Variants in RB1 observed in about 807,000 individuals in gnomAD.
The protein encoded by RB1 is retinoblastoma-associated protein.
Under a neutral mutation model 135.4 loss-of-function variants are expected in RB1, and 18 were observed. The observed-to-expected ratio is 0.13, with a 90% CI of 0.09 to 0.20. RB1 has a LOEUF of 0.20. Among genes scored for constraint, RB1 ranks in the 10% least tolerant of loss-of-function variants. RB1 has a pLI of 1.00. For missense variants in RB1, 868 were observed against 1,110.0 expected, an observed-to-expected ratio of 0.78 and a Z score of 3.10; for synonymous variants, 365 against 373.2, an observed-to-expected ratio of 0.98 and a Z score of 0.25.
intron 18 of RB1, among the ~76,000 whole-genome samples, chr13:48,454,872 T>G (rs1949350592): frequency 6.6e-6 from 1 of 152,118 alleles, no homozygotes; most frequent in South Asian, 2.1e-4. Context: ...GAAATCCTAG[T>G]GTGGCTGGGG....
At chr13:48,339,257 C>T (rs1390131883) in intron 2 of RB1, among the ~76,000 whole-genome samples, 1 of 152,198 alleles carries the variant, frequency 6.6e-6, no homozygotes, top group African/African-American at 2.4e-5. Flanking sequence ...TTCGGCTATG[C>T]CCTGCCCCCA....
chr13:48,352,662 T>G (rs945229228), intron 6 of RB1, among the ~76,000 whole-genome samples: 1 of 152,178 alleles, frequency 6.6e-6, no homozygotes, highest in African/African-American at 2.4e-5. Flanking sequence ...TTGGCTCTTG[T>G]TGGTGTGTAG....
intron 23 of RB1, among the ~76,000 whole-genome samples, chr13:48,470,599 A>C (rs925748857): frequency 4.2e-5 from 1 of 23,640 alleles, no homozygotes; most frequent in East Asian, 2.3e-3. Context: ...TGCGCAGCAA[A>C]AGAAACTACC....
intron 5 of RB1, 125 bp from the exon 6 acceptor site, chr13:48,348,831 T>C: frequency 9.0e-7 from 1 of 1,106,344 alleles, no homozygotes; most frequent in Non-Finnish European, 1.3e-6. Context: ...CATTCTATTA[T>C]GCATTTAACT....
At chr13:48,412,430 G>A (rs765143549) in intron 17 of RB1, 10 of 1,609,300 alleles carry the variant, frequency 6.2e-6, no homozygotes, top group Non-Finnish European at 8.5e-6. Flanking sequence ...CCATCGTAAA[G>A]GCACGTCCAA....
rs540710886 is a variant in RB1 at position 48,367,984 on chromosome 13, T to C, written c.1049+381T>C. Among the ~76,000 whole-genome samples the C allele has an allele frequency of 1.1e-4, 17 of 152,236 alleles. 1 individual carries two copies. In the South Asian group the frequency reaches 3.5e-3, roughly 32 times the overall value. On this transcript the variant is annotated intron_variant, in intron 10 of 26. Transcript: ENST00000267163. ...AGTTTATACAAAAGTGTAGTCTCTGTTATTATCATGTAGAAACCTAAAATT... is the reference window on the plus strand; with the variant it reads ...AGTTTATACAAAAGTGTAGTCTCTGCTATTATCATGTAGAAACCTAAAATT...
At position 48,459,645 on chromosome 13, in the gene RB1, C is replaced by T. The variant is rs531504944; in HGVS notation, c.1961-43C>T. Reference sequence around the variant, plus strand: ...ATTTGAAAAAAATCTACTTGTAATTCAAAATGAACAGTAAAAATGACTAAT... The same window carrying T: ...ATTTGAAAAAAATCTACTTGTAATTTAAAATGAACAGTAAAAATGACTAAT... On this transcript the variant is annotated intron_variant, in intron 19 of 26. Transcript: ENST00000267163. The T allele has an allele frequency of 1.4e-5, 23 of 1,607,128 alleles. No individual in the cohort carries two copies. In the African/African-American group the frequency reaches 2.9e-4, roughly 21 times the overall value.
At chr13:48,354,328 G>A (rs198620) in intron 6 of RB1, among the ~76,000 whole-genome samples, 151,730 of 152,264 alleles carry the variant, frequency 1, 75,604 homozygotes, top group Middle Eastern at 1. Context: ...AAGTAGTCCT[G>A]TTTACAATAG....
chr13:48,386,044 A>AC (rs1460891819), intron 17 of RB1, among the ~76,000 whole-genome samples: 1 of 150,730 alleles, frequency 6.6e-6, no homozygotes, highest in African/African-American at 2.4e-5. Flanking sequence ...CATCTCTTAA[A>AC]AAAAAAAAAA....
At chr13:48,390,635 T>C (rs897066680) in intron 17 of RB1, among the ~76,000 whole-genome samples, 5 of 152,140 alleles carry the variant, frequency 3.3e-5, no homozygotes, top group South Asian at 2.1e-4. Flanking sequence ...GTCTAACATA[T>C]AGAATTTAGG....
chr13:48,432,267 A>T (rs568711749), intron 17 of RB1, among the ~76,000 whole-genome samples: 43 of 152,030 alleles, frequency 2.8e-4, no homozygotes, highest in Non-Finnish European at 4.9e-4. Context: ...TTTCCAGCTC[A>T]CCTCCCAGAA....
intron 2 of RB1, among the ~76,000 whole-genome samples, chr13:48,332,421 A>G (rs550514928): frequency 6.6e-6 from 1 of 152,084 alleles, no homozygotes; most frequent in Non-Finnish European, 1.5e-5. Context: ...ATTAAAAAAA[A>G]TTTTACAGGC....
rs1319312586 is a variant in RB1 at position 48,480,042 on chromosome 13, A to G, written c.2758A>G (p.Met920Val). ...RMQKQKMNDSMDTSNKEEK is the reference protein window; with the variant it reads ...RMQKQKMNDSVDTSNKEEK ...GCAAAAGCAGAAAATGAATGATAGC[A>G]TGGATACCTCAAACAAGGAAGAGAA... Residue 920 changes from methionine (M) to valine (V), a missense_variant, in exon 27 of 27, where the codon ATG becomes GTG. Around this residue, in one of 3 missense-constraint regions of RB1, gnomAD observed 196 missense variants for 239.8 expected, o/e 0.82. Transcript: ENST00000267163. 18 of 1,613,356 alleles carry G rather than the reference A, an allele frequency of 1.1e-5. No individual in the cohort carries two copies. In the Admixed American group the frequency reaches 2.5e-4, roughly 22 times the overall value.
At position 48,456,324 on chromosome 13, in the gene RB1, C is replaced by T. The variant is rs1949360015; in HGVS notation, c.1935C>T (p.Thr645=). ...AGACCCAGAAGCCATTGAAATCTAC[C>T]TCTCTTTCACTGTTTTATAAAAAAG... is the stretch of plus-strand genomic sequence containing the variant. ...AFQTQKPLKS[T]SLSLFYKKVY... The change falls in exon 19 of 27, where the codon ACC becomes ACT. Residue 645 remains threonine (T), a synonymous_variant. Coordinates refer to ENST00000267163, the MANE Select transcript of RB1 (RefSeq NM_000321.3). 1 of 1,614,178 alleles carries T rather than the reference C, an allele frequency of 6.2e-7. No individual in the cohort carries two copies. Among genetic ancestry groups the T allele is most frequent in the South Asian group, 1.1e-5 (1 of 91,090 alleles).
chr13:48,421,763 A>T (rs1032505343), intron 17 of RB1, among the ~76,000 whole-genome samples: 5 of 152,256 alleles, frequency 3.3e-5, no homozygotes, highest in African/African-American at 1.2e-4. Context: ...AAGCATATGA[A>T]CAAAAGCTCA....
chr13:48,318,674 C>A lies in RB1; in HGVS notation c.264+11268C>A, dbSNP rs544897605. ...CCTCCCGCGTTTTCTTGGGCGTGGA[C>A]GGCCTCATGGCATGGCCGCCGCCTC... On this transcript the variant is annotated intron_variant, in intron 2 of 26. Transcript: ENST00000267163. 9 of 613,100 alleles carry A rather than the reference C, an allele frequency of 1.5e-5. No individual in the cohort carries two copies. The African/African-American group carries it at 1.5e-4, about 10-fold the overall frequency. The allele number at this position is 613,100 out of a possible 1,614,324, so 38.0% of individuals were successfully genotyped here.
chr13:48,315,811 G>T (rs1181573685), intron 2 of RB1, among the ~76,000 whole-genome samples: 1 of 152,150 alleles, frequency 6.6e-6, no homozygotes, highest in South Asian at 2.1e-4. Context: ...CAATAAACAA[G>T]TGCAGGTTTC....
At chr13:48,410,759 T>G (rs775866135) in intron 17 of RB1, among the ~76,000 whole-genome samples, 5 of 152,138 alleles carry the variant, frequency 3.3e-5, no homozygotes, top group African/African-American at 4.8e-5. Flanking sequence ...ACCATATAGA[T>G]AGCATCTGCT....
At chr13:48,322,586 G>A (rs1156486288) in intron 2 of RB1, among the ~76,000 whole-genome samples, 12 of 152,144 alleles carry the variant, frequency 7.9e-5, no homozygotes, top group Admixed American at 2.6e-4. Flanking sequence ...TGATGAGAAG[G>A]ACATTGTTGT....
Sources: gnomAD v4.1 joint callset for allele counts (sites outside exome capture counted in the v4.1 genomes callset) on GRCh38, gnomAD v4.1.1 for gene constraint, gnomAD v4.1.1 regional missense constraint, MANE v1.5 for transcripts, NCBI Gene and HGNC (gene_info 2026-07-23, HGNC 2026-07-21) for gene names.